Variants in COL25A1 observed in about 807,000 individuals in gnomAD.
COL25A1 encodes the protein collagen alpha-1(XXV) chain.
Under a neutral mutation model 128.4 loss-of-function variants are expected in COL25A1, and 103 were observed. The observed-to-expected ratio is 0.80, with a 90% CI of 0.68 to 0.94. The LOEUF (loss-of-function observed/expected upper bound fraction) is 0.94. Among genes scored for constraint, COL25A1 ranks in the 40% least tolerant of loss-of-function variants. The probability of loss-of-function intolerance (pLI) is 0.00; values close to 1 mark genes in which losing one functional copy is unlikely to be tolerated. For synonymous variants in COL25A1, 279 were observed against 277.2 expected, an observed-to-expected ratio of 1.01 and a Z score of -0.06; for missense variants, 745 against 840.0, an observed-to-expected ratio of 0.89 and a Z score of 1.40.
intron 5 of COL25A1, among the ~76,000 whole-genome samples, chr4:109,017,303 C>G (rs1380654718): frequency 1.3e-5 from 2 of 152,244 alleles, no homozygotes; most frequent in Non-Finnish European, 2.9e-5. Context: ...TGGCGTCTGG[C>G]TCACCCTTGG....
intron 3 of COL25A1, among the ~76,000 whole-genome samples, chr4:109,061,792 T>C (rs1317200179): frequency 1.3e-5 from 2 of 152,192 alleles, no homozygotes; most frequent in African/African-American, 4.8e-5. Context: ...GACAGGCAAA[T>C]TCCCTAGAAT....
chr4:109,200,247 T>C (rs1000458735), intron 3 of COL25A1, among the ~76,000 whole-genome samples: 1 of 152,224 alleles, frequency 6.6e-6, no homozygotes, highest in Non-Finnish European at 1.5e-5. Flanking sequence ...AGACACTTCC[T>C]TCAGTCTTTC....
At chr4:108,939,413 C>T (rs1436372808) in intron 10 of COL25A1, among the ~76,000 whole-genome samples, 2 of 152,118 alleles carry the variant, frequency 1.3e-5, no homozygotes, top group African/African-American at 4.8e-5. Context: ...TTCACAGCAG[C>T]TTTCAGAAAG....
intron 3 of COL25A1, among the ~76,000 whole-genome samples, chr4:109,107,989 T>A (rs981304228): frequency 3.3e-5 from 5 of 152,234 alleles, no homozygotes; most frequent in African/African-American, 1.2e-4. Flanking sequence ...GGTATCAGTG[T>A]AAACTTTCTA....
At chr4:109,290,048 A>C (rs1279150366) in intron 3 of COL25A1, among the ~76,000 whole-genome samples, 1 of 152,118 alleles carries the variant, frequency 6.6e-6, no homozygotes, top group Non-Finnish European at 1.5e-5. Context: ...ACATATATAC[A>C]GGGGATACAT....
chr4:109,237,014 C>T (rs966571016), intron 3 of COL25A1, among the ~76,000 whole-genome samples: 2 of 151,968 alleles, frequency 1.3e-5, no homozygotes, highest in African/African-American at 4.8e-5. Context: ...ATCTCATAAG[C>T]ATGTAAAATT....
chr4:108,884,046 G>A (rs1424258396), intron 19 of COL25A1, 132 bp downstream of exon 19: 3 of 761,450 alleles, frequency 3.9e-6, no homozygotes, highest in Non-Finnish European at 6.2e-6. Context: ...AATTTAGTTA[G>A]TTGAGATGGC....
chr4:109,171,966 A>T (rs1380016777), intron 3 of COL25A1, among the ~76,000 whole-genome samples: 2 of 152,118 alleles, frequency 1.3e-5, no homozygotes, highest in Non-Finnish European at 2.9e-5. Context: ...CCAGGGAATA[A>T]GGCCTAATGA....
chr4:109,239,087 C>A (rs1286943028), intron 3 of COL25A1, among the ~76,000 whole-genome samples: 1 of 151,912 alleles, frequency 6.6e-6, no homozygotes, highest in Non-Finnish European at 1.5e-5. Flanking sequence ...AATCTTTGAA[C>A]CAACTACTCT....
chr4:108,868,832 T>C (rs569975668), intron 20 of COL25A1, among the ~76,000 whole-genome samples: 1 of 91,470 alleles, frequency 1.1e-5, no homozygotes, highest in African/African-American at 4.4e-5. Context: ...AAGGAAGGAA[T>C]GAAGGAAGGA....
intron 3 of COL25A1, among the ~76,000 whole-genome samples, chr4:109,068,734 G>A (rs1256507290): frequency 2.0e-5 from 3 of 152,084 alleles, no homozygotes; most frequent in Non-Finnish European, 2.9e-5. Context: ...GTATAAAATG[G>A]AAATACTAAA....
At chr4:108,909,279 C>A (rs1743924506) in intron 13 of COL25A1, among the ~76,000 whole-genome samples, 1 of 152,160 alleles carries the variant, frequency 6.6e-6, no homozygotes, top group Admixed American at 6.5e-5. Flanking sequence ...TATAATTTTG[C>A]AAAGGCAGTT....
At chr4:109,059,398 G>C (rs12331092) in intron 3 of COL25A1, among the ~76,000 whole-genome samples, 23,272 of 152,178 alleles carry the variant, frequency 0.15, 3,113 homozygotes, top group African/African-American at 0.36. Flanking sequence ...CTATAGGTCA[G>C]TGTATTTTCT....
At chr4:109,212,418 G>A (rs1485052968) in intron 3 of COL25A1, among the ~76,000 whole-genome samples, 2 of 152,136 alleles carry the variant, frequency 1.3e-5, no homozygotes, top group African/African-American at 4.8e-5. Flanking sequence ...TAGAGGCTGA[G>A]TTCCAAAAGG....
intron 36 of COL25A1, among the ~76,000 whole-genome samples, chr4:108,817,723 C>A (rs1731382170): frequency 6.6e-6 from 1 of 152,146 alleles, no homozygotes; most frequent in African/African-American, 2.4e-5. Context: ...CTATTCATAT[C>A]TATATTTTTA....
intron 3 of COL25A1, among the ~76,000 whole-genome samples, chr4:109,099,754 G>A (rs1208195772): frequency 2.6e-5 from 4 of 151,836 alleles, no homozygotes; most frequent in African/African-American, 7.2e-5. Flanking sequence ...TATAACTAAT[G>A]TATAAAAAAT....
At chr4:109,012,526 G>A (rs960974256) in intron 5 of COL25A1, among the ~76,000 whole-genome samples, 3 of 152,190 alleles carry the variant, frequency 2.0e-5, no homozygotes, top group Admixed American at 6.5e-5. Context: ...GGGCCAGCGC[G>A]AGTTCCAGGT....
At chr4:108,842,086 T>C (rs1008651427) in intron 30 of COL25A1, among the ~76,000 whole-genome samples, 1 of 152,142 alleles carries the variant, frequency 6.6e-6, no homozygotes, top group Non-Finnish European at 1.5e-5. Flanking sequence ...AATAAAAATA[T>C]GACTTCAAAG....
chr4:109,065,517 C>T (rs115029084), intron 3 of COL25A1, among the ~76,000 whole-genome samples: 83 of 147,956 alleles, frequency 5.6e-4, no homozygotes, highest in African/African-American at 2.1e-3. Flanking sequence ...CTTGCAAATA[C>T]CTTTTTGGTG....
Sources: allele counts gnomAD v4.1 joint callset (sites outside exome capture counted in the v4.1 genomes callset), GRCh38; gene constraint gnomAD v4.1.1; transcripts MANE v1.5; gene names NCBI Gene and HGNC (gene_info 2026-07-23, HGNC 2026-07-21).